The following AFF3 variants were observed in gnomAD, a reference collection of about 807,000 sequenced individuals.
AFF3 encodes ALF transcription elongation factor 3, also known as AF4/FMR2 family member 3.
Under a neutral mutation model 129.7 loss-of-function variants are expected in AFF3, and 32 were observed. The ratio of observed to expected loss-of-function variants is 0.25; its 90% CI spans 0.19 to 0.33. The LOEUF is 0.33. Ranked by LOEUF, AFF3 falls within the 10% of genes least tolerant of loss-of-function variation. AFF3 has a pLI of 1.00. For synonymous variants in AFF3, 644 were observed against 635.4 expected, an observed-to-expected ratio of 1.01 and a Z score of -0.20; for missense variants, 1,373 against 1,592.0, an observed-to-expected ratio of 0.86 and a Z score of 2.34.
chr2:100,133,412 G>T (rs998321647), intron 1 of AFF3, among the ~76,000 whole-genome samples: 7 of 151,894 alleles, frequency 4.6e-5, no homozygotes, highest in African/African-American at 1.7e-4. Flanking sequence ...TTTAACCAGA[G>T]TGCAGTCATA....
chr2:99,833,757 A>C (rs2105772246), intron 8 of AFF3, among the ~76,000 whole-genome samples: 1 of 152,328 alleles, frequency 6.6e-6, no homozygotes, highest in Admixed American at 6.5e-5. Context: ...GCACTGGAAC[A>C]TTTAAGGATA....
intron 1 of AFF3, 74 bp from the exon 2 acceptor site, chr2:100,129,380 C>CTGTG (rs1337500893): frequency 4.3e-5 from 3 of 69,324 alleles, no homozygotes; most frequent in African/African-American, 1.6e-4. Flanking sequence ...TGTCCTATAA[C>CTGTG]TCTGTGTGTG....
intron 8 of AFF3, among the ~76,000 whole-genome samples, chr2:99,816,724 C>G (rs922252932): frequency 6.6e-6 from 1 of 152,000 alleles, no homozygotes; most frequent in African/African-American, 2.4e-5. Flanking sequence ...GCCTCAGCCT[C>G]AGGTAGGCAC....
At chr2:99,868,961 A>G (rs999490573) in intron 7 of AFF3, among the ~76,000 whole-genome samples, 2 of 151,934 alleles carry the variant, frequency 1.3e-5, no homozygotes, top group African/African-American at 2.4e-5. Flanking sequence ...CATGGCTAAC[A>G]TTTTTATTTT....
chr2:99,868,053 G>A (rs373930524), intron 7 of AFF3, among the ~76,000 whole-genome samples: 19 of 146,426 alleles, frequency 1.3e-4, no homozygotes, highest in African/African-American at 4.1e-4. Context: ...ACGGCAGCTC[G>A]TGTACTTGAA....
intron 11 of AFF3, among the ~76,000 whole-genome samples, chr2:99,682,961 T>C (rs1313932561): frequency 6.6e-6 from 1 of 152,226 alleles, no homozygotes; most frequent in Non-Finnish European, 1.5e-5. Context: ...TTTTCTGTTA[T>C]TCTTGCATTT....
At chr2:99,672,431 G>A (rs1232268744) in intron 12 of AFF3, 107 bp downstream of exon 12, 7 of 1,009,764 alleles carry the variant, frequency 6.9e-6, no homozygotes, top group Non-Finnish European at 1.1e-5. Flanking sequence ...CAAAAGACCA[G>A]CAGCCTGGAG....
intron 4 of AFF3, among the ~76,000 whole-genome samples, chr2:100,088,666 G>C (rs955640650): frequency 1.2e-4 from 18 of 150,100 alleles, no homozygotes; most frequent in Admixed American, 1.1e-3. Context: ...CTTCTCCTAG[G>C]GCCATTAGAG....
At chr2:99,716,611 G>T (rs1042127976) in intron 11 of AFF3, among the ~76,000 whole-genome samples, 7 of 151,608 alleles carry the variant, frequency 4.6e-5, no homozygotes. Context: ...GGCTGGGTGT[G>T]GTGGCTCATG....
At chr2:100,119,001 A>G (rs1402371653) in intron 2 of AFF3, among the ~76,000 whole-genome samples, 1 of 152,110 alleles carries the variant, frequency 6.6e-6, no homozygotes, top group African/African-American at 2.4e-5. Context: ...GGGTTTCACC[A>G]TGTTGGCCAT....
chr2:99,616,341 C>CT (rs1034244897), intron 13 of AFF3, among the ~76,000 whole-genome samples: 137 of 148,378 alleles, frequency 9.2e-4, no homozygotes, highest in African/African-American at 2.2e-3. Flanking sequence ...AGCTCTTTGA[C>CT]TTTTTTTTTT....
intron 7 of AFF3, among the ~76,000 whole-genome samples, chr2:99,999,885 G>A (rs1681221278): frequency 6.6e-6 from 1 of 152,118 alleles, no homozygotes; most frequent in Admixed American, 6.5e-5. Flanking sequence ...GCCAATTACA[G>A]CAGAGAGAGG....
chr2:99,634,221 C>T (rs1683404561), intron 13 of AFF3, among the ~76,000 whole-genome samples: 2 of 152,172 alleles, frequency 1.3e-5, no homozygotes, highest in Admixed American at 1.3e-4. Context: ...TCTTTTCTTT[C>T]TAAATCACCC....
At position 99,846,689 on chromosome 2, in the gene AFF3, C is replaced by T. The variant is rs17023203; in HGVS notation, c.874-9165G>A. ...AGATGGATAATCAATTCCCTTTTAG[C>T]CATGAATGGAAATGACCATTGTAAA... is the stretch of plus-strand genomic sequence containing the variant. On this transcript the variant is annotated intron_variant, in intron 7 of 24. Coordinates refer to ENST00000672756, the MANE Select transcript of AFF3 (RefSeq NM_001386135.1). Among the ~76,000 whole-genome samples the T allele has an allele frequency of 4.7e-3, 715 of 152,334 alleles. 1 individual carries two copies. The highest frequency in any genetic ancestry group is 0.017 in the African/African-American group (691 of 41,578).
At chr2:99,724,266 C>A (rs866929216) in intron 11 of AFF3, among the ~76,000 whole-genome samples, 11 of 29,002 alleles carry the variant, frequency 3.8e-4, no homozygotes, top group African/African-American at 2.0e-3. Flanking sequence ...AGTGGAATGA[C>A]CTTTCTTTTT....
chr2:99,952,106 G>A (rs945189310), intron 7 of AFF3, among the ~76,000 whole-genome samples: 2 of 152,122 alleles, frequency 1.3e-5, no homozygotes, highest in African/African-American at 4.8e-5. Flanking sequence ...CAAGTCTCAC[G>A]TCGAATTATA....
intron 1 of AFF3, among the ~76,000 whole-genome samples, chr2:100,133,568 C>T (rs781363043): frequency 7.2e-5 from 11 of 152,134 alleles, no homozygotes; most frequent in Admixed American, 1.3e-4. Context: ...TCTCAGCCTC[C>T]CAGCTGGAAT....
chr2:99,716,197 C>T (rs1014704411), intron 11 of AFF3, among the ~76,000 whole-genome samples: 1 of 152,128 alleles, frequency 6.6e-6, no homozygotes, highest in African/African-American at 2.4e-5. Context: ...CTCATTATTC[C>T]TAGAATTTTT....
chr2:99,937,131 A>AC (rs1398032532), intron 7 of AFF3, among the ~76,000 whole-genome samples: 1 of 152,186 alleles, frequency 6.6e-6, no homozygotes, highest in Admixed American at 6.5e-5. Flanking sequence ...ATTATAGAAT[A>AC]CCGGTTGAGC....
Sources: gnomAD v4.1 joint callset for allele counts (sites outside exome capture counted in the v4.1 genomes callset) on GRCh38, gnomAD v4.1.1 for gene constraint, MANE v1.5 for transcripts, NCBI Gene and HGNC (gene_info 2026-07-23, HGNC 2026-07-21) for gene names.